AIDA: variants seen among roughly 807,000 people sequenced by gnomAD.
AIDA encodes the protein axin interactor, dorsalization-associated protein.
In AIDA, 18 loss-of-function variants were observed where a neutral mutation model predicts 42.7. That is an observed-to-expected ratio of 0.42 (90% CI 0.29 to 0.63). The LOEUF is 0.63. Among genes scored for constraint, AIDA ranks in the 20% least tolerant of loss-of-function variants. AIDA has a pLI of 0.19. For missense variants in AIDA, 250 were observed against 354.1 expected (o/e 0.71, Z 2.36); for synonymous variants, 104 against 122.9 (o/e 0.85, Z 1.02).
chr1:222,693,940 A>G (rs1655445019), intron 3 of AIDA, 97 bp from the exon 4 acceptor site: 3 of 1,098,726 alleles, frequency 2.7e-6, no homozygotes. Context: ...AAAGGATTCT[A>G]TTTCTTGCTT....
At chr1:222,709,774 C>T (rs1655944396) in intron 1 of AIDA, among the ~76,000 whole-genome samples, 2 of 152,328 alleles carry the variant, frequency 1.3e-5, no homozygotes, top group South Asian at 2.1e-4. Context: ...TCCGTAATTG[C>T]AACACCCAGT....
chr1:222,675,692 G>A (rs994244598), intron 7 of AIDA, among the ~76,000 whole-genome samples: 1 of 152,192 alleles, frequency 6.6e-6, no homozygotes, highest in Non-Finnish European at 1.5e-5. Context: ...AAGGCCTAAT[G>A]CAGGAGGAAT....
intron 2 of AIDA, among the ~76,000 whole-genome samples, chr1:222,697,968 G>C (rs968890139): frequency 2.6e-5 from 4 of 151,008 alleles, no homozygotes; most frequent in African/African-American, 7.4e-5. Context: ...ACAGGGAAAC[G>C]CTTTCTAAGC....
At chr1:222,672,530 G>A (rs1664467725) in intron 8 of AIDA, among the ~76,000 whole-genome samples, 1 of 152,170 alleles carries the variant, frequency 6.6e-6, no homozygotes, top group Admixed American at 6.5e-5. Flanking sequence ...GATGTCTGGG[G>A]TGGCCACCTA....
chr1:222,710,736 C>T lies in AIDA; in HGVS notation c.110+1472G>A, dbSNP rs111604140. ...GGATTTGGATTTTCTTTTTTAAATC[C>T]CAGATTTCAGTGGTATCAGCTTGTG... is the stretch of plus-strand genomic sequence containing the variant. On this transcript the variant is annotated intron_variant, in intron 1 of 9. Coordinates refer to ENST00000340020, the MANE Select transcript of AIDA (RefSeq NM_022831.4). Among the ~76,000 whole-genome samples the T allele has an allele frequency of 5.1e-3, 774 of 152,098 alleles. 6 individuals are homozygous for T. Among genetic ancestry groups the T allele is most frequent in the African/African-American group, 0.018 (735 of 41,472 alleles).
At chr1:222,674,185 A>G (rs772842990) in intron 7 of AIDA, among the ~76,000 whole-genome samples, 4 of 152,216 alleles carry the variant, frequency 2.6e-5, no homozygotes, top group Non-Finnish European at 4.4e-5. Flanking sequence ...TTGGGCTAAC[A>G]GAAATTCCCA....
At position 222,673,356 on chromosome 1, in the gene AIDA, A is replaced by G; in HGVS notation, c.663T>C (p.Asn221=). 8 of 1,610,832 alleles carry G rather than the reference A, an allele frequency of 5.0e-6. No homozygotes were observed. Among genetic ancestry groups the G allele is most frequent in the Non-Finnish European group, 5.1e-6 (6 of 1,178,188 alleles). The change falls in exon 8 of 10, where the codon AAT becomes AAC. Residue 221 remains asparagine, a synonymous_variant. Coordinates refer to ENST00000340020, the MANE Select transcript of AIDA (RefSeq NM_022831.4). The stretch of plus-strand genomic sequence containing the variant: ...CATGCTTCTGGAGCTCAATGTCCAC[A>G]TTAAAATGAACATATGTATCTTCTT... The part of the protein sequence containing the change: ...SRKEDTYVHF[N]VDIELQKHVE...
chr1:222,697,240 G>A (rs1655547112), intron 2 of AIDA, among the ~76,000 whole-genome samples: 2 of 151,620 alleles, frequency 1.3e-5, no homozygotes, highest in African/African-American at 4.8e-5. Flanking sequence ...ACTGTGCCTG[G>A]CTGCAACAGT....
intron 2 of AIDA, 54 bp from the exon 3 acceptor site, chr1:222,694,317 C>A (rs994199795): frequency 5.0e-5 from 68 of 1,371,066 alleles, no homozygotes; most frequent in Non-Finnish European, 6.6e-5. Context: ...ACTGTTAGTT[C>A]AAATCATCAA....
chr1:222,708,126 T>G (rs1387918233), intron 1 of AIDA, among the ~76,000 whole-genome samples: 1 of 151,820 alleles, frequency 6.6e-6, no homozygotes, highest in Non-Finnish European at 1.5e-5. Context: ...CTGGCCAACA[T>G]GGTGAAACCC....
At chr1:222,670,317 T>A in intron 8 of AIDA, 67 bp from the exon 9 acceptor site, 3 of 1,300,142 alleles carry the variant, frequency 2.3e-6, no homozygotes, top group Non-Finnish European at 3.3e-6. Context: ...TTAATTTTCT[T>A]TGATCACCAG....
At chr1:222,700,971 T>TTGGGGGGGGG (rs1553295514) in intron 2 of AIDA, among the ~76,000 whole-genome samples, 2 of 105,028 alleles carry the variant, frequency 1.9e-5, no homozygotes, top group African/African-American at 4.1e-5. Flanking sequence ...TGATTTTTTT[T>TTGGGGGGGGG]GGGGGGGGGG....
intron 2 of AIDA, among the ~76,000 whole-genome samples, chr1:222,699,367 A>G (rs1421282099): frequency 1.3e-5 from 2 of 152,226 alleles, no homozygotes; most frequent in Non-Finnish European, 2.9e-5. Flanking sequence ...CTTGCATGCT[A>G]GGCATTTAAT....
At chr1:222,677,715 T>C (rs943284677) in intron 6 of AIDA, among the ~76,000 whole-genome samples, 12 of 152,178 alleles carry the variant, frequency 7.9e-5, no homozygotes, top group Admixed American at 1.3e-4. Flanking sequence ...CCTTGATATA[T>C]GTATCTTGCT....
chr1:222,696,800 CCTTT>C (rs1309483820), intron 2 of AIDA, among the ~76,000 whole-genome samples: 1 of 152,094 alleles, frequency 6.6e-6, no homozygotes, highest in African/African-American at 2.4e-5. Flanking sequence ...ACTTTCTTTT[CCTTT>C]CTTTACTGTA....
chr1:222,711,985 C>T, intron 1 of AIDA: 3 of 588,912 alleles, frequency 5.1e-6, no homozygotes, highest in Non-Finnish European at 5.9e-6. Context: ...ACTGTCCCTG[C>T]GGAGGCGGAG....
intron 1 of AIDA, among the ~76,000 whole-genome samples, chr1:222,704,116 T>A (rs1176140156): frequency 6.6e-6 from 1 of 152,156 alleles, no homozygotes; most frequent in Non-Finnish European, 1.5e-5. Flanking sequence ...CCCACTAGAA[T>A]GAGTACAATT....
intron 3 of AIDA, 112 bp from the exon 4 acceptor site, chr1:222,693,955 GGTAGAAAATGAAAA>G (rs1304483374): frequency 9.8e-7 from 1 of 1,024,136 alleles, no homozygotes; most frequent in Non-Finnish European, 1.4e-6. Context: ...TTGCTTTCAA[GGTAGAAAATGAAAA>G]GTCCCAAACT....
At chr1:222,675,909 T>C (rs1333591776) in intron 7 of AIDA, among the ~76,000 whole-genome samples, 187 bp downstream of exon 7, 1 of 152,010 alleles carries the variant, frequency 6.6e-6, no homozygotes, top group African/African-American at 2.4e-5. Flanking sequence ...AATAAGTAAA[T>C]CTCTCAGAAG....
Sources: allele counts gnomAD v4.1 joint callset (sites outside exome capture counted in the v4.1 genomes callset), GRCh38; gene constraint gnomAD v4.1.1; transcripts MANE v1.5; gene names NCBI Gene and HGNC (gene_info 2026-07-23, HGNC 2026-07-21).